The following ZNF385B variants were observed in gnomAD, a reference collection of about 807,000 sequenced individuals.
ZNF385B encodes zinc finger protein 385B, also known as zinc finger protein 533.
A neutral mutation model predicts 39.2 loss-of-function variants in ZNF385B; 23 were observed. The ratio of observed to expected loss-of-function variants is 0.59; its 90% CI spans 0.42 to 0.83. ZNF385B has a LOEUF of 0.83. Ranked by LOEUF, ZNF385B falls within the 40% of genes least tolerant of loss-of-function variation. The pLI is 0.00. For missense variants in ZNF385B, 552 were observed against 598.9 expected, an observed-to-expected ratio of 0.92 and a Z score of 0.82; for synonymous variants, 205 against 222.6, an observed-to-expected ratio of 0.92 and a Z score of 0.70.
chr2:179,615,197 A>T (rs1040077143), intron 3 of ZNF385B, among the ~76,000 whole-genome samples: 1 of 152,236 alleles, frequency 6.6e-6, no homozygotes, highest in Non-Finnish European at 1.5e-5. Flanking sequence ...TAATCATGCT[A>T]GTATATGTCA....
chr2:179,822,761 CT>C (rs1346970545), intron 1 of ZNF385B, among the ~76,000 whole-genome samples: 1 of 152,146 alleles, frequency 6.6e-6, no homozygotes, highest in Non-Finnish European at 1.5e-5. Context: ...ATTGGAATAC[CT>C]TTTTCCATTC....
rs150177564 is a variant in ZNF385B at position 179,478,236 on chromosome 2, C to T, written c.715+5036G>A. Reference sequence around the variant, plus strand: ...ACTACATATTATTTCTCTTTAAATCCGATATATCCAACAATGACAATAAAA... The same window carrying T: ...ACTACATATTATTTCTCTTTAAATCTGATATATCCAACAATGACAATAAAA... On this transcript the variant is annotated intron_variant, in intron 6 of 9. Coordinates refer to ENST00000410066, the MANE Select transcript of ZNF385B (RefSeq NM_152520.6). Among the ~76,000 whole-genome samples the T allele has an allele frequency of 6.4e-3, 967 of 152,096 alleles. 5 individuals are homozygous for T. The highest frequency in any genetic ancestry group is 0.011 in the Non-Finnish European group (752 of 67,996).
intron 6 of ZNF385B, among the ~76,000 whole-genome samples, chr2:179,476,264 A>AATGTACGT (rs1349978980): frequency 6.6e-6 from 1 of 152,222 alleles, no homozygotes; most frequent in African/African-American, 2.4e-5. Context: ...AGAATTATTC[A>AATGTACGT]ATGTACATAC....
At chr2:179,490,354 C>G (rs570167966) in intron 5 of ZNF385B, among the ~76,000 whole-genome samples, 1 of 152,020 alleles carries the variant, frequency 6.6e-6, no homozygotes, top group South Asian at 2.1e-4. Context: ...TATGTTCAAT[C>G]ACATTATCAG....
intron 4 of ZNF385B, among the ~76,000 whole-genome samples, chr2:179,525,734 T>A (rs540099131): frequency 1.3e-5 from 2 of 152,306 alleles, no homozygotes; most frequent in Non-Finnish European, 2.9e-5. Flanking sequence ...ATCAGCCTTA[T>A]GGGAAAGGAT....
chr2:179,710,765 A>C (rs1267627858), intron 3 of ZNF385B, among the ~76,000 whole-genome samples: 1 of 152,150 alleles, frequency 6.6e-6, no homozygotes, highest in Non-Finnish European at 1.5e-5. Context: ...CTCTTCACCG[A>C]CTGAGCACAG....
chr2:179,537,713 C>T (rs2059662476), intron 4 of ZNF385B, among the ~76,000 whole-genome samples: 1 of 150,966 alleles, frequency 6.6e-6, no homozygotes, highest in African/African-American at 2.4e-5. Context: ...TGCATGCTAG[C>T]CTAGGTGACA....
intron 1 of ZNF385B, among the ~76,000 whole-genome samples, chr2:179,775,993 G>A (rs907828344): frequency 1.3e-5 from 2 of 152,224 alleles, no homozygotes; most frequent in African/African-American, 4.8e-5. Flanking sequence ...AACTACAGGA[G>A]ATCAGTGGAG....
chr2:179,532,903 C>T (rs1395796591), intron 4 of ZNF385B, among the ~76,000 whole-genome samples: 1 of 152,152 alleles, frequency 6.6e-6, no homozygotes, highest in East Asian at 1.9e-4. Flanking sequence ...ATCAATCATG[C>T]TCTCGGCAGA....
intron 4 of ZNF385B, among the ~76,000 whole-genome samples, chr2:179,533,717 T>C (rs979002774): frequency 6.6e-6 from 1 of 152,316 alleles, no homozygotes; most frequent in Admixed American, 6.5e-5. Context: ...ATTTGATATA[T>C]TGATTATTAT....
intron 1 of ZNF385B, among the ~76,000 whole-genome samples, chr2:179,845,485 A>G (rs112044775): frequency 2.6e-5 from 4 of 152,310 alleles, no homozygotes; most frequent in African/African-American, 9.6e-5. Context: ...ATCTGAGAGC[A>G]AGTGCCACCA....
At chr2:179,836,837 A>C (rs1173864774) in intron 1 of ZNF385B, among the ~76,000 whole-genome samples, 2 of 152,300 alleles carry the variant, frequency 1.3e-5, no homozygotes, top group Middle Eastern at 3.4e-3. Flanking sequence ...CTAATGAAAC[A>C]AAAGTATACT....
intron 3 of ZNF385B, among the ~76,000 whole-genome samples, chr2:179,590,477 T>C (rs1409120941): frequency 6.6e-6 from 1 of 152,210 alleles, no homozygotes; most frequent in Non-Finnish European, 1.5e-5. Flanking sequence ...AATTTGTGGC[T>C]TTATTTCTTT....
intron 6 of ZNF385B, among the ~76,000 whole-genome samples, chr2:179,449,620 GAACAT>G: frequency 6.6e-6 from 1 of 152,028 alleles, no homozygotes; most frequent in Non-Finnish European, 1.5e-5. Context: ...ACAAATGGAA[GAACAT>G]TCCATGCTCA....
chr2:179,628,335 AT>A (rs1472744825), intron 3 of ZNF385B, among the ~76,000 whole-genome samples: 1 of 152,050 alleles, frequency 6.6e-6, no homozygotes, highest in African/African-American at 2.4e-5. Flanking sequence ...CTGTTAATTA[AT>A]TTTTTGATAG....
chr2:179,711,027 T>A (rs1011308728), intron 3 of ZNF385B, among the ~76,000 whole-genome samples: 2 of 152,194 alleles, frequency 1.3e-5, no homozygotes, highest in Non-Finnish European at 2.9e-5. Context: ...CACTGTGGGG[T>A]AGGCTGTACA....
chr2:179,793,516 G>C (rs576787451), intron 1 of ZNF385B, among the ~76,000 whole-genome samples: 18 of 152,258 alleles, frequency 1.2e-4, no homozygotes, highest in Middle Eastern at 3.4e-3. Context: ...AGGTCTGATG[G>C]TTTTATAAGA....
At chr2:179,805,371 C>T (rs1706286864) in intron 1 of ZNF385B, among the ~76,000 whole-genome samples, 1 of 152,126 alleles carries the variant, frequency 6.6e-6, no homozygotes, top group Non-Finnish European at 1.5e-5. Context: ...ATGTGTAAGG[C>T]ATAATAAAAT....
At chr2:179,580,940 A>G (rs933137674) in intron 3 of ZNF385B, among the ~76,000 whole-genome samples, 3 of 152,314 alleles carry the variant, frequency 2.0e-5, no homozygotes, top group Non-Finnish European at 2.9e-5. Context: ...GTTGTGGCCT[A>G]TGGAATGTAA....
Sources: gnomAD v4.1 joint callset for allele counts (sites outside exome capture counted in the v4.1 genomes callset) on GRCh38, gnomAD v4.1.1 for gene constraint, MANE v1.5 for transcripts, NCBI Gene and HGNC (gene_info 2026-07-23, HGNC 2026-07-21) for gene names.